The following ALS2 variants were observed in gnomAD, a reference collection of about 807,000 sequenced individuals.
The protein encoded by ALS2 is alsin.
Under a neutral mutation model 203.4 loss-of-function variants are expected in ALS2, and 117 were observed. The observed-to-expected ratio is 0.58, with a 90% CI of 0.50 to 0.67. ALS2 has a LOEUF of 0.67. ALS2 is among the 30% of genes least tolerant of loss of function. The pLI is 0.00. For synonymous variants in ALS2, 718 were observed against 725.9 expected (o/e 0.99, Z 0.17); for missense variants, 1,715 against 1,989.4 (o/e 0.86, Z 2.62).
intron 32 of ALS2, 113 bp from the exon 33 acceptor site, chr2:201,704,331 G>A: frequency 1.3e-6 from 2 of 1,481,998 alleles, no homozygotes; most frequent in Non-Finnish European, 1.9e-6. Flanking sequence ...TAATGTCACA[G>A]TGGAATGGGT....
At chr2:201,763,267 G>A in intron 3 of ALS2, 1 of 181,702 alleles carries the variant, frequency 5.5e-6, no homozygotes, top group Non-Finnish European at 1.2e-5. Flanking sequence ...GTGGCTTTGT[G>A]CTGGTGCGCC....
At position 201,701,626 on chromosome 2, in the gene ALS2, G is replaced by T; in HGVS notation, c.*225C>A. 1 of 549,686 alleles carries T rather than the reference G, an allele frequency of 1.8e-6. No homozygotes were observed. Among genetic ancestry groups the T allele is most frequent in the Non-Finnish European group, 3.3e-6 (1 of 306,326 alleles). 34.1% of individuals were successfully genotyped at this position (549,686 alleles called of 1,614,324 possible). On this transcript the variant is annotated 3_prime_UTR_variant, in exon 34 of 34. Coordinates refer to ENST00000264276, the MANE Select transcript of ALS2 (RefSeq NM_020919.4). The stretch of plus-strand genomic sequence containing the variant: ...TGGAACTTATCATAGGCCAAGAACT[G>T]GTCTAATCTGATTTTTTACCTCCCT...
At chr2:201,716,181 G>T (rs554154149) in intron 24 of ALS2, among the ~76,000 whole-genome samples, 38 of 152,260 alleles carry the variant, frequency 2.5e-4, no homozygotes, top group African/African-American at 8.2e-4. Flanking sequence ...GCCAAGGCAG[G>T]TGGAACACCT....
chr2:201,773,178 C>T (rs772924619), intron 1 of ALS2, among the ~76,000 whole-genome samples: 1 of 152,048 alleles, frequency 6.6e-6, no homozygotes, highest in Non-Finnish European at 1.5e-5. Flanking sequence ...ATTTCAATGA[C>T]GATTTACATT....
intron 4 of ALS2, among the ~76,000 whole-genome samples, chr2:201,758,508 G>A (rs924444309): frequency 7.2e-5 from 11 of 152,272 alleles, no homozygotes; most frequent in African/African-American, 2.6e-4. Flanking sequence ...GTACTAGAAA[G>A]TCAAACTAAA....
rs945239957 is a variant in ALS2 at position 201,724,571 on chromosome 2, A to C, written c.3348-112T>G. 40 of 1,096,510 alleles carry C rather than the reference A, an allele frequency of 3.6e-5. No individual in the cohort carries two copies. In the African/African-American group the frequency reaches 6.0e-4, roughly 16 times the overall value. 67.9% of individuals were successfully genotyped at this position (1,096,510 alleles called of 1,614,324 possible). On this transcript the variant is annotated intron_variant, in intron 20 of 33. Coordinates refer to ENST00000264276, the MANE Select transcript of ALS2 (RefSeq NM_020919.4). Reference sequence around the variant, plus strand: ...CTCAGTCTCACTGGTAGCTATAATTATTTGTTTATATGATTATTTTTCACC... The same window carrying C: ...CTCAGTCTCACTGGTAGCTATAATTCTTTGTTTATATGATTATTTTTCACC...
chr2:201,726,435 G>C (rs1280412865), intron 19 of ALS2, 49 bp downstream of exon 19: 1 of 1,471,622 alleles, frequency 6.8e-7, no homozygotes, highest in Non-Finnish European at 9.5e-7. Context: ...CATAATTTAC[G>C]ACCTTACCGA....
chr2:201,754,994 G>C (rs369554155), intron 5 of ALS2, among the ~76,000 whole-genome samples: 9 of 152,296 alleles, frequency 5.9e-5, no homozygotes, highest in African/African-American at 2.2e-4. Context: ...TTTAGCCACA[G>C]AAACCTTTTC....
intron 10 of ALS2, among the ~76,000 whole-genome samples, chr2:201,743,589 A>G (rs936657327): frequency 2.0e-5 from 3 of 152,024 alleles, no homozygotes; most frequent in Non-Finnish European, 4.4e-5. Context: ...GGTTCAAGCA[A>G]TTCTCCTGCC....
intron 1 of ALS2, among the ~76,000 whole-genome samples, chr2:201,769,335 A>T (rs150213250): frequency 0.016 from 2,471 of 152,336 alleles, 33 homozygotes; most frequent in Non-Finnish European, 0.026. Context: ...ATGAAGACTT[A>T]AATACCAATT....
intron 1 of ALS2, among the ~76,000 whole-genome samples, chr2:201,776,822 G>C (rs1694681072): frequency 1.3e-5 from 2 of 152,274 alleles, no homozygotes; most frequent in South Asian, 4.1e-4. Context: ...TGCTTTAATA[G>C]TGCTAGTAGC....
chr2:201,716,719 A>C (rs1690421334), intron 24 of ALS2: 1 of 150,992 alleles, frequency 6.6e-6, no homozygotes, highest in Non-Finnish European at 1.5e-5. Context: ...CATCTCAAAA[A>C]AAAAAAAAAA....
At chr2:201,707,087 G>A in intron 28 of ALS2, 65 bp from the exon 29 acceptor site, 1 of 1,477,260 alleles carries the variant, frequency 6.8e-7, no homozygotes, top group Non-Finnish European at 9.2e-7. Flanking sequence ...CAGAATCCAA[G>A]GTAGAGCTTC....
intron 3 of ALS2, among the ~76,000 whole-genome samples, chr2:201,763,954 GT>G (rs960360951): frequency 9.9e-5 from 15 of 151,868 alleles, no homozygotes; most frequent in African/African-American, 3.6e-4. Context: ...AATAAGCACT[GT>G]TTTTTTTCTC....
chr2:201,770,239 G>A (rs1004286659), intron 1 of ALS2, among the ~76,000 whole-genome samples: 6 of 152,130 alleles, frequency 3.9e-5, no homozygotes, highest in African/African-American at 1.2e-4. Flanking sequence ...ATTATTCTAC[G>A]AGGATGTGGA....
At position 201,729,646 on chromosome 2, in the gene ALS2, C is replaced by T. The variant is rs145023693; in HGVS notation, c.2581-463G>A. Among the ~76,000 whole-genome samples the T allele has an allele frequency of 7.6e-3, 1,154 of 151,862 alleles. 14 individuals carry two copies. Among genetic ancestry groups the T allele is most frequent in the African/African-American group, 0.026 (1,096 of 41,408 alleles). On this transcript the variant is annotated intron_variant, in intron 13 of 33. Transcript: ENST00000264276. The stretch of plus-strand genomic sequence containing the variant: ...CTGTAATCCCAGCACTTTGGGAGGC[C>T]GAGGCAGGCGGATCACGAGGTCAGG...
chr2:201,745,235 G>T (rs1692553747), intron 9 of ALS2, among the ~76,000 whole-genome samples: 1 of 152,200 alleles, frequency 6.6e-6, no homozygotes. Context: ...TGTTTTGGTA[G>T]AGACAGGGTC....
intron 33 of ALS2, 31 bp downstream of exon 33, chr2:201,704,091 T>C (rs1559027560): frequency 6.4e-7 from 1 of 1,556,156 alleles, no homozygotes; most frequent in East Asian, 2.3e-5. Flanking sequence ...GATATGAAGA[T>C]AAGAAAGTAT....
At position 201,757,751 on chromosome 2, in the gene ALS2, T is replaced by C; in HGVS notation, c.1122A>G (p.Leu374=). Residue 374 remains leucine, a synonymous_variant, in exon 5 of 34, where the codon TTA becomes TTG. Transcript: ENST00000264276. ...TGTGGAGATTAGGAATTGCTTCTTC[T>C]AAAAGAGGCTAAAATATACACACAT... The part of the protein sequence containing the change: ...GEKPVPSQPL[L]EEAIPNLHSP... The C allele has an allele frequency of 6.2e-7, 1 of 1,605,520 alleles. No homozygotes were observed.
Sources: gnomAD v4.1 joint callset for allele counts (sites outside exome capture counted in the v4.1 genomes callset) on GRCh38, gnomAD v4.1.1 for gene constraint, MANE v1.5 for transcripts, NCBI Gene and HGNC (gene_info 2026-07-23, HGNC 2026-07-21) for gene names.